The following MAP3K20 variants were observed in gnomAD, a reference collection of about 807,000 sequenced individuals.
MAP3K20 encodes the protein mitogen-activated protein kinase kinase kinase 20.
Under a neutral mutation model 85.7 loss-of-function variants are expected in MAP3K20, and 40 were observed. The ratio of observed to expected loss-of-function variants is 0.47; its 90% CI spans 0.36 to 0.61. The LOEUF (loss-of-function observed/expected upper bound fraction) is 0.61. MAP3K20 is among the 20% of genes least tolerant of loss of function. MAP3K20 has a pLI of 0.00. For synonymous variants in MAP3K20, 325 were observed against 327.7 expected, an observed-to-expected ratio of 0.99 and a Z score of 0.09; for missense variants, 817 against 961.7, an observed-to-expected ratio of 0.85 and a Z score of 1.99.
intron 2 of MAP3K20, among the ~76,000 whole-genome samples, chr2:173,149,553 T>C (rs938781597): frequency 6.6e-6 from 1 of 152,032 alleles, no homozygotes; most frequent in South Asian, 2.1e-4. Context: ...GCAAGTCTCA[T>C]TATCCTCATT....
chr2:173,184,314 G>A (rs956657025), intron 4 of MAP3K20, among the ~76,000 whole-genome samples: 3 of 152,122 alleles, frequency 2.0e-5, no homozygotes, highest in Non-Finnish European at 4.4e-5. Context: ...CCTTACACAC[G>A]TTTGCATTTA....
chr2:173,126,837 G>T (rs1688459886), intron 2 of MAP3K20, among the ~76,000 whole-genome samples: 1 of 152,214 alleles, frequency 6.6e-6, no homozygotes, highest in Non-Finnish European at 1.5e-5. Context: ...TCTGTAGGCA[G>T]CATCCACACG....
intron 8 of MAP3K20, among the ~76,000 whole-genome samples, chr2:173,200,927 C>T (rs985052497): frequency 9.2e-5 from 14 of 152,040 alleles, no homozygotes; most frequent in Admixed American, 1.3e-4. Flanking sequence ...CCAACGTGCC[C>T]GGCCAAAAAA....
intron 5 of MAP3K20, among the ~76,000 whole-genome samples, chr2:173,188,189 G>A (rs535840934): frequency 6.6e-6 from 1 of 152,224 alleles, no homozygotes; most frequent in African/African-American, 2.4e-5. Flanking sequence ...ACTTTCTAAA[G>A]CTTATTTATG....
intron 11 of MAP3K20, among the ~76,000 whole-genome samples, chr2:173,220,131 T>C (rs1215459531): frequency 2.0e-5 from 3 of 151,764 alleles, no homozygotes; most frequent in African/African-American, 4.8e-5. Flanking sequence ...TCCCAGTATA[T>C]TATTTGTACA....
At position 173,240,801 on chromosome 2, in the gene MAP3K20, G is replaced by A. The variant is rs139191210; in HGVS notation, c.1359+1305G>A. ...AAAGAATGGAAATCAATATATTGAA[G>A]AGATATCTGTACTCCTATGTTTATT... On this transcript the variant is annotated intron_variant, in intron 16 of 19. Coordinates refer to ENST00000375213, the MANE Select transcript of MAP3K20 (RefSeq NM_016653.3). 3.3e-3 allele frequency among the ~76,000 whole-genome samples: 500 copies of A among 152,318 alleles called. 2 individuals are homozygous for A. Among genetic ancestry groups the A allele is most frequent in the African/African-American group, 0.01 (419 of 41,566 alleles).
intron 2 of MAP3K20, among the ~76,000 whole-genome samples, chr2:173,103,915 G>A (rs569065402): frequency 6.6e-6 from 1 of 152,108 alleles, no homozygotes; most frequent in East Asian, 1.9e-4. Flanking sequence ...CTGTAATTCA[G>A]CCATCCAACA....
intron 2 of MAP3K20, among the ~76,000 whole-genome samples, chr2:173,096,578 T>C (rs1574008952): frequency 6.6e-6 from 1 of 152,154 alleles, no homozygotes; most frequent in Non-Finnish European, 1.5e-5. Context: ...GACCTCGTGC[T>C]CCACCCACCT....
chr2:173,258,552 T>C lies in MAP3K20; in HGVS notation c.1360-147T>C, dbSNP rs1273956844. ...TATTTAGATATACATAGGAATCTAA[T>C]TTCATGTCCTTTTATTGAAAAAGGA... On this transcript the variant is annotated intron_variant, in intron 16 of 19. Transcript: ENST00000375213. 3 of 585,752 alleles carry C rather than the reference T, an allele frequency of 5.1e-6. No individual in the cohort carries two copies. The Admixed American group carries it at 9.6e-5, about 19-fold the overall frequency. 36.3% of individuals were successfully genotyped at this position (585,752 alleles called of 1,614,324 possible).
At chr2:173,221,458 C>G in intron 11 of MAP3K20, 1 of 1,613,282 alleles carries the variant, frequency 6.2e-7, no homozygotes, top group Non-Finnish European at 8.5e-7. Context: ...GTGATTTTGA[C>G]TTGTCAGAAG....
intron 2 of MAP3K20, among the ~76,000 whole-genome samples, chr2:173,127,372 TATAA>T (rs1289627416): frequency 6.6e-6 from 1 of 152,200 alleles, no homozygotes; most frequent in Non-Finnish European, 1.5e-5. Flanking sequence ...AAAATAACTT[TATAA>T]ATAATTTATT....
At chr2:173,134,422 A>ATTT (rs1254043752) in intron 2 of MAP3K20, among the ~76,000 whole-genome samples, 9 of 6,152 alleles carry the variant, frequency 1.5e-3, no homozygotes, top group East Asian at 3.1e-3. Context: ...ATATATATAT[A>ATTT]TATATATTTT....
chr2:173,147,530 TG>T (rs923246189), intron 2 of MAP3K20, among the ~76,000 whole-genome samples: 3 of 152,226 alleles, frequency 2.0e-5, no homozygotes, highest in African/African-American at 7.2e-5. Flanking sequence ...CAGCAGCATC[TG>T]CCACAGTGTA....
At chr2:173,264,675 G>A (rs1258278276) in intron 19 of MAP3K20, among the ~76,000 whole-genome samples, 1 of 152,024 alleles carries the variant, frequency 6.6e-6, no homozygotes, top group Non-Finnish European at 1.5e-5. Context: ...CATGGAGGGG[G>A]ATGGAGACTG....
rs1413776164 is a variant in MAP3K20, at chr2:173,112,165, CA to C, written c.159+20976del. On this transcript the variant is annotated intron_variant, in intron 2 of 19. Coordinates refer to ENST00000375213, the MANE Select transcript of MAP3K20 (RefSeq NM_016653.3). ...GGTATATTCCTAAGTATTTTATTTG[CA>C]GCTATTGTAAAAGGGGTTGAGTTCT... 2.6e-5 allele frequency among the ~76,000 whole-genome samples: 4 copies of C among 151,592 alleles called. No homozygotes were observed. In the East Asian group the frequency reaches 7.7e-4, roughly 29 times the overall value.
chr2:173,162,102 T>C lies in MAP3K20; in HGVS notation c.160-7703T>C, dbSNP rs180818314. Among the ~76,000 whole-genome samples, 148 of 146,184 alleles carry C rather than the reference T, an allele frequency of 1.0e-3. 1 individual carries two copies. Among genetic ancestry groups the C allele is most frequent in the Middle Eastern group, 7.4e-3 (2 of 272 alleles). On this transcript the variant is annotated intron_variant, in intron 2 of 19. Transcript: ENST00000375213. ...AAAAAAAATTACGATCCCTATTCTTTCTGCCACTTAGAAATAGATGACCAC... is the reference window on the plus strand; with the variant it reads ...AAAAAAAATTACGATCCCTATTCTTCCTGCCACTTAGAAATAGATGACCAC...
intron 18 of MAP3K20, among the ~76,000 whole-genome samples, 179 bp downstream of exon 18, chr2:173,261,316 G>A (rs1404623734): frequency 6.6e-6 from 1 of 152,198 alleles, no homozygotes; most frequent in African/African-American, 2.4e-5. Flanking sequence ...AACGTGTTGG[G>A]AAGAAAAGAG....
intron 3 of MAP3K20, among the ~76,000 whole-genome samples, chr2:173,176,016 G>A (rs1406446767): frequency 2.0e-5 from 3 of 152,112 alleles, no homozygotes; most frequent in African/African-American, 7.2e-5. Flanking sequence ...TTACTACAGA[G>A]TGTTAATGGA....
At chr2:173,163,008 G>C (rs1689709448) in intron 2 of MAP3K20, among the ~76,000 whole-genome samples, 1 of 152,154 alleles carries the variant, frequency 6.6e-6, no homozygotes, top group East Asian at 1.9e-4. Flanking sequence ...CCCATCAACA[G>C]GTTGTTGTTG....
Sources: allele counts gnomAD v4.1 joint callset (sites outside exome capture counted in the v4.1 genomes callset), GRCh38; gene constraint gnomAD v4.1.1; transcripts MANE v1.5; gene names NCBI Gene and HGNC (gene_info 2026-07-23, HGNC 2026-07-21).